The following DENND5B variants were observed in gnomAD, a reference collection of about 807,000 sequenced individuals.
DENND5B encodes DENN domain-containing protein 5B.
In DENND5B, 34 loss-of-function variants were observed where a neutral mutation model predicts 140.6. The observed-to-expected ratio is 0.24, with a 90% CI of 0.18 to 0.32. DENND5B has a LOEUF of 0.32. Ranked by LOEUF, DENND5B falls within the 10% of genes least tolerant of loss-of-function variation. The pLI is 1.00. For synonymous variants in DENND5B, 551 were observed against 562.1 expected (o/e 0.98, Z 0.28); for missense variants, 1,142 against 1,560.2 (o/e 0.73, Z 4.52).
At chr12:31,437,300 A>C (rs2137905423) in intron 7 of DENND5B, among the ~76,000 whole-genome samples, 1 of 151,970 alleles carries the variant, frequency 6.6e-6, no homozygotes. Context: ...CCGCCAGGCT[A>C]ATTTTTTGTA....
intron 5 of DENND5B, among the ~76,000 whole-genome samples, chr12:31,449,786 G>A (rs1362921343): frequency 2.7e-5 from 4 of 145,632 alleles, no homozygotes; most frequent in South Asian, 4.4e-4. Context: ...CTGGCGTCCA[G>A]TGGCGTGATC....
chr12:31,460,100 G>C, intron 4 of DENND5B, 94 bp downstream of exon 4: 1 of 1,235,868 alleles, frequency 8.1e-7, no homozygotes, highest in Non-Finnish European at 1.1e-6. Context: ...CAAAGAGACA[G>C]ATAAAATTTT....
rs1300789147 is a variant in DENND5B at position 31,402,485 on chromosome 12, T to C, written c.2949+13A>G. On this transcript the variant is annotated intron_variant, in intron 15 of 20. Transcript: ENST00000389082. ...TGATACATTCTTCTAGGAAAGGTAT[T>C]AGCTGAACCTACCTCAAAGGTCATT... The C allele has an allele frequency of 1.2e-6, 2 of 1,611,286 alleles. No individual in the cohort carries two copies. Among genetic ancestry groups the C allele is most frequent in the South Asian group, 1.1e-5 (1 of 90,136 alleles).
chr12:31,443,112 A>T (rs1460097447), intron 6 of DENND5B, among the ~76,000 whole-genome samples, 187 bp from the exon 7 acceptor site: 1 of 151,922 alleles, frequency 6.6e-6, no homozygotes, highest in Non-Finnish European at 1.5e-5. Flanking sequence ...TTTCACTCTT[A>T]TTGCCCAGGC....
chr12:31,558,471 C>T (rs1851051075), intron 1 of DENND5B, among the ~76,000 whole-genome samples: 1 of 152,176 alleles, frequency 6.6e-6, no homozygotes, highest in Non-Finnish European at 1.5e-5. Context: ...GAAAAATTTT[C>T]CTGGAACTCC....
chr12:31,446,707 A>G (rs1277808890), intron 6 of DENND5B, among the ~76,000 whole-genome samples: 2 of 151,192 alleles, frequency 1.3e-5, no homozygotes, highest in Admixed American at 6.6e-5. Flanking sequence ...CATCCTGGCT[A>G]ACACAGTGAA....
At chr12:31,550,201 C>T (rs996838033) in intron 1 of DENND5B, among the ~76,000 whole-genome samples, 5 of 140,224 alleles carry the variant, frequency 3.6e-5, no homozygotes, top group African/African-American at 1.1e-4. Context: ...TCTCCTAATG[C>T]TATCCCTCCC....
intron 15 of DENND5B, among the ~76,000 whole-genome samples, chr12:31,401,667 G>T (rs1328305839): frequency 2.0e-5 from 3 of 152,164 alleles, no homozygotes; most frequent in Non-Finnish European, 4.4e-5. Flanking sequence ...GTCTCACTCT[G>T]TCACCCAGGC....
rs747781717 is a variant in DENND5B at position 31,495,792 on chromosome 12, G to C, written c.237+18C>G. ...AAAACAAGGCTAAAGAGTAAATGAG[G>C]GGAAAAAAAACACATACCATGTTCA... On this transcript the variant is annotated intron_variant, in intron 2 of 20. Transcript: ENST00000389082. 1 of 1,530,680 alleles carries C rather than the reference G, an allele frequency of 6.5e-7. No homozygotes were observed. The highest frequency in any genetic ancestry group is 8.8e-7 in the Non-Finnish European group (1 of 1,131,012). 94.8% of individuals were successfully genotyped at this position (1,530,680 alleles called of 1,614,324 possible).
chr12:31,541,796 C>T (rs925645439), intron 1 of DENND5B, among the ~76,000 whole-genome samples: 3 of 152,146 alleles, frequency 2.0e-5, no homozygotes, highest in Non-Finnish European at 4.4e-5. Context: ...TGGAAGCAAC[C>T]TAAGTGTCCA....
Position 31,398,350 on chromosome 12 carries a change from C to T in DENND5B, c.3081G>A (p.Gly1027=), listed in dbSNP as rs1385048226. ...ITGHTYRFPC[G]RWLGKGIDDG... is the part of the protein sequence containing the mutation. ...CATCAATGCCTTTCCCCAGCCACCG[C>T]CCACATGGGAATCTGGTAGGACAGA... Residue 1027 remains glycine, a synonymous_variant, in exon 17 of 21, where the codon GGG becomes GGA. Transcript: ENST00000389082. 6.5e-6 allele frequency: 10 copies of T among 1,544,120 alleles called. No homozygotes were observed. The highest frequency in any genetic ancestry group is 7.9e-6 in the Non-Finnish European group (9 of 1,145,432).
chr12:31,412,863 T>C (rs1200700035), intron 13 of DENND5B, among the ~76,000 whole-genome samples: 1 of 152,210 alleles, frequency 6.6e-6, no homozygotes, highest in East Asian at 1.9e-4. Flanking sequence ...ATCCGATCTT[T>C]TGGATGTTAC....
At chr12:31,390,679 A>G (rs564416035) in intron 19 of DENND5B, among the ~76,000 whole-genome samples, 1 of 151,662 alleles carries the variant, frequency 6.6e-6, no homozygotes, top group East Asian at 2.0e-4. Flanking sequence ...TTAAATGGCT[A>G]TATGTGGCTA....
chr12:31,567,525 T>A (rs1457955886), intron 1 of DENND5B, among the ~76,000 whole-genome samples: 63 of 91,712 alleles, frequency 6.9e-4, no homozygotes, highest in Admixed American at 9.5e-4. Flanking sequence ...AGACTCTGTC[T>A]AAAAAAAAAA....
intron 1 of DENND5B, 24 bp downstream of exon 1, chr12:31,590,682 G>T (rs1424839948): frequency 1.4e-6 from 2 of 1,455,208 alleles, no homozygotes; most frequent in African/African-American, 3.0e-5. Context: ...AGGGGGCTCA[G>T]CGCCGCCGCA....
intron 7 of DENND5B, among the ~76,000 whole-genome samples, chr12:31,438,473 T>G (rs571936835): frequency 6.6e-6 from 1 of 152,168 alleles, no homozygotes; most frequent in Admixed American, 6.5e-5. Context: ...AAGGGAAAAA[T>G]GTGCAAAGAT....
chr12:31,419,405 T>C (rs1208654706), intron 11 of DENND5B, among the ~76,000 whole-genome samples: 1 of 151,370 alleles, frequency 6.6e-6, no homozygotes, highest in African/African-American at 2.4e-5. Flanking sequence ...ATCATGCCAT[T>C]GCATCCAGTC....
chr12:31,580,143 T>C (rs1157597643), intron 1 of DENND5B, among the ~76,000 whole-genome samples: 1 of 152,076 alleles, frequency 6.6e-6, no homozygotes, highest in Admixed American at 6.6e-5. Flanking sequence ...GTACAACCAC[T>C]TTCTGAAATT....
chr12:31,581,585 C>T (rs981376429), intron 1 of DENND5B, among the ~76,000 whole-genome samples: 1 of 150,200 alleles, frequency 6.7e-6, no homozygotes, highest in Non-Finnish European at 1.5e-5. Flanking sequence ...CCCAGCTATT[C>T]GGGAAGCTGA....
Sources: allele counts gnomAD v4.1 joint callset (sites outside exome capture counted in the v4.1 genomes callset), GRCh38; gene constraint gnomAD v4.1.1; transcripts MANE v1.5; gene names NCBI Gene and HGNC (gene_info 2026-07-23, HGNC 2026-07-21).